The following ADAM7 variants were observed in gnomAD, a reference collection of about 807,000 sequenced individuals.
ADAM7 encodes disintegrin and metalloproteinase domain-containing protein 7.
ADAM7 carries 97 observed loss-of-function variants against 102.9 expected under a neutral mutation model. The observed-to-expected ratio is 0.94, with a 90% confidence interval of 0.80 to 1.12. The LOEUF (loss-of-function observed/expected upper bound fraction) is 1.12. ADAM7 is among the 50% of genes most tolerant of loss of function. The pLI is 0.00. For synonymous variants in ADAM7, 334 were observed against 304.4 expected (o/e 1.10, Z -1.01); for missense variants, 991 against 908.7 (o/e 1.09, Z -1.16).
At chr8:24,483,952 G>A (rs1244227189) in intron 9 of ADAM7, among the ~76,000 whole-genome samples, 1 of 152,090 alleles carries the variant, frequency 6.6e-6, no homozygotes, top group Non-Finnish European at 1.5e-5. Flanking sequence ...ATAGCCAATT[G>A]AGCATCATAT....
chr8:24,506,579 G>A (rs899769585), intron 20 of ADAM7, among the ~76,000 whole-genome samples: 1 of 152,006 alleles, frequency 6.6e-6, no homozygotes, highest in African/African-American at 2.4e-5. Context: ...CCTGGCCCCT[G>A]TTCTAAAAGG....
chr8:24,448,033 GAAT>G (rs1448555787), intron 3 of ADAM7, among the ~76,000 whole-genome samples: 1 of 150,166 alleles, frequency 6.7e-6, no homozygotes, highest in Non-Finnish European at 1.5e-5. Context: ...CAAATGTGCC[GAAT>G]AATAAACATA....
At chr8:24,445,540 A>C (rs1818524326) in intron 2 of ADAM7, among the ~76,000 whole-genome samples, 1 of 152,124 alleles carries the variant, frequency 6.6e-6, no homozygotes, top group Admixed American at 6.6e-5. Flanking sequence ...CTAGCATGTA[A>C]ATGTCTTTTA....
chr8:24,468,097 A>G (rs1819489890), intron 6 of ADAM7, among the ~76,000 whole-genome samples: 1 of 152,084 alleles, frequency 6.6e-6, no homozygotes, highest in Non-Finnish European at 1.5e-5. Flanking sequence ...AAATTTAAAA[A>G]AAAGATCTAT....
At chr8:24,503,761 C>A (rs555267722) in intron 20 of ADAM7, among the ~76,000 whole-genome samples, 9 of 152,038 alleles carry the variant, frequency 5.9e-5, no homozygotes, top group Non-Finnish European at 1.3e-4. Context: ...TCATTTGCAG[C>A]AAACTATCAC....
intron 3 of ADAM7, among the ~76,000 whole-genome samples, chr8:24,452,985 C>T (rs1367544004): frequency 6.6e-6 from 1 of 150,842 alleles, no homozygotes; most frequent in Non-Finnish European, 1.5e-5. Flanking sequence ...GGCCCCCACT[C>T]TCTTCTGGCT....
intron 20 of ADAM7, among the ~76,000 whole-genome samples, chr8:24,505,860 A>T (rs1820932580): frequency 6.6e-6 from 1 of 152,172 alleles, no homozygotes; most frequent in African/African-American, 2.4e-5. Flanking sequence ...TTTCAGGCAT[A>T]CAGTCAATTA....
chr8:24,477,569 A>AGTGTGTGAGTGTGT (rs60219377), intron 8 of ADAM7, among the ~76,000 whole-genome samples: 10,561 of 145,438 alleles, frequency 0.073, 419 homozygotes, highest in Non-Finnish European at 0.089. Context: ...TACCCTCATC[A>AGTGTGTGAGTGTGT]GTGTGTGTGT....
chr8:24,460,751 ATGTG>A (rs55815837), intron 3 of ADAM7, among the ~76,000 whole-genome samples: 26 of 149,352 alleles, frequency 1.7e-4, no homozygotes, highest in East Asian at 5.9e-4. Context: ...ATATGTATGT[ATGTG>A]TGTGTGTGTG....
chr8:24,477,688 A>G (rs1819814628), intron 8 of ADAM7, among the ~76,000 whole-genome samples: 1 of 152,202 alleles, frequency 6.6e-6, no homozygotes, highest in Admixed American at 6.6e-5. Flanking sequence ...AATATTTCAA[A>G]GAAATTGAAA....
intron 3 of ADAM7, among the ~76,000 whole-genome samples, chr8:24,453,308 CT>C (rs1818873097): frequency 6.6e-6 from 1 of 152,128 alleles, no homozygotes; most frequent in Non-Finnish European, 1.5e-5. Flanking sequence ...TAGATTTGGT[CT>C]TTTCACATAG....
rs369505760 is a variant in ADAM7 at position 24,501,446 on chromosome 8, T to A, written c.2109-31T>A. 1.7e-5 allele frequency: 26 copies of A among 1,514,382 alleles called. No individual in the cohort carries two copies. The African/African-American group carries it at 3.5e-4, about 20-fold the overall frequency. 93.8% of individuals were successfully genotyped at this position (1,514,382 alleles called of 1,614,324 possible). A position where few individuals can be genotyped will look rare whatever the true frequency, so the allele number is the denominator to read the frequency against. On this transcript the variant is annotated intron_variant, in intron 19 of 21. Coordinates refer to ENST00000175238, the MANE Select transcript of ADAM7 (RefSeq NM_003817.4). ...ATAACCTGAATAGCCCTATATCTAA[T>A]AAATTAGTTGTTCAATTTCCTTCTT...
At chr8:24,490,537 T>C (rs1820306519) in intron 12 of ADAM7, 1 of 356,906 alleles carries the variant, frequency 2.8e-6, no homozygotes, top group Non-Finnish European at 5.1e-6. Context: ...TTAGGATAAC[T>C]GAAGATTATA....
chr8:24,457,933 T>C (rs1819100592), intron 3 of ADAM7, among the ~76,000 whole-genome samples: 1 of 152,032 alleles, frequency 6.6e-6, no homozygotes, highest in South Asian at 2.1e-4. Flanking sequence ...TCCCTATTTA[T>C]AGGCAATTAT....
At position 24,474,670 on chromosome 8, in the gene ADAM7, T is replaced by C. The variant is rs11984445; in HGVS notation, c.634-1763T>C. On this transcript the variant is annotated intron_variant, in intron 7 of 21. Transcript: ENST00000175238. ...CTTTGAGAAGCCGAGGTGGGAGGAC[T>C]GCTTGAGACCAGGAGTTTGAGACCA... 1.7e-3 allele frequency among the ~76,000 whole-genome samples: 259 copies of C among 152,098 alleles called. 1 individual carries two copies. Among genetic ancestry groups the C allele is most frequent in the African/African-American group, 6.0e-3 (247 of 41,478 alleles).
At chr8:24,472,122 CAAA>C (rs55708871) in intron 7 of ADAM7, among the ~76,000 whole-genome samples, 2,977 of 102,754 alleles carry the variant, frequency 0.029, 98 homozygotes, top group African/African-American at 0.093. Context: ...AAAAAGATAA[CAAA>C]AAAAAAAAAA....
At position 24,446,501 on chromosome 8, in the gene ADAM7, T is replaced by A. The variant is rs1818564052; in HGVS notation, c.157-685T>A. Among the ~76,000 whole-genome samples the A allele has an allele frequency of 2.0e-5, 3 of 152,120 alleles. No individual in the cohort carries two copies. In the South Asian group the frequency reaches 6.2e-4, roughly 31 times the overall value. On this transcript the variant is annotated intron_variant, in intron 2 of 21. Coordinates refer to ENST00000175238, the MANE Select transcript of ADAM7 (RefSeq NM_003817.4). ...TAAAAGCTTTACATTTTTTTTCATG[T>A]CATTGAAAATGCAGCTCTGTCCAAC...
At chr8:24,501,836 A>G (rs1194312936) in intron 20 of ADAM7, among the ~76,000 whole-genome samples, 3 of 152,112 alleles carry the variant, frequency 2.0e-5, no homozygotes, top group African/African-American at 7.2e-5. Flanking sequence ...TAATTTGTGC[A>G]CTATTGGAAA....
chr8:24,468,896 A>T, intron 7 of ADAM7, 76 bp downstream of exon 7: 1 of 1,347,466 alleles, frequency 7.4e-7, no homozygotes, highest in South Asian at 1.2e-5. Context: ...CATAGAGAGA[A>T]AGGTATTCTA....
Sources: allele counts gnomAD v4.1 joint callset (sites outside exome capture counted in the v4.1 genomes callset), GRCh38; gene constraint gnomAD v4.1.1; transcripts MANE v1.5; gene names NCBI Gene and HGNC (gene_info 2026-07-23, HGNC 2026-07-21).